ST3GAL6: variants seen among roughly 807,000 people sequenced by gnomAD.
ST3GAL6 encodes the protein type 2 lactosamine alpha-2,3-sialyltransferase.
Under a neutral mutation model 40.5 loss-of-function variants are expected in ST3GAL6, and 31 were observed. That is an observed-to-expected ratio of 0.77 (90% CI 0.58 to 1.03). The LOEUF (loss-of-function observed/expected upper bound fraction) is 1.03. Ranked by LOEUF, ST3GAL6 falls within the 50% of genes least tolerant of loss-of-function variation. The pLI is 0.00. For missense variants in ST3GAL6, 357 were observed against 393.2 expected (o/e 0.91, Z 0.78); for synonymous variants, 129 against 136.9 (o/e 0.94, Z 0.40).
At chr3:98,785,170 T>C in intron 6 of ST3GAL6, 130 bp downstream of exon 6, 1 of 615,516 alleles carries the variant, frequency 1.6e-6, no homozygotes, top group Non-Finnish European at 2.8e-6. Flanking sequence ...CACAACCTTC[T>C]CTCTTGGTTG....
At chr3:98,755,979 G>A (rs995303323) in intron 1 of ST3GAL6, among the ~76,000 whole-genome samples, 1 of 151,928 alleles carries the variant, frequency 6.6e-6, no homozygotes, top group Non-Finnish European at 1.5e-5. Flanking sequence ...GATTTTCAGA[G>A]AAATAGATAC....
chr3:98,762,882 T>C (rs1362677506), upstream of ST3GAL6: 2 of 985,312 alleles, frequency 2.0e-6, no homozygotes, highest in East Asian at 2.3e-4. Context: ...AAGGGCTTAG[T>C]ACTGTGCTGG....
intron 1 of ST3GAL6, 79 bp downstream of exon 1, chr3:98,763,518 G>C: frequency 4.0e-6 from 5 of 1,240,874 alleles, no homozygotes; most frequent in Non-Finnish European, 5.3e-6. Context: ...TTAGACATTA[G>C]GTGCCCACAG....
chr3:98,786,380 A>G (rs1373380119), intron 6 of ST3GAL6, among the ~76,000 whole-genome samples: 1 of 152,198 alleles, frequency 6.6e-6, no homozygotes, highest in Non-Finnish European at 1.5e-5. Flanking sequence ...CCAAGAGAGC[A>G]AAGTGTTCCA....
chr3:98,755,652 A>G (rs1381651974), intron 1 of ST3GAL6, among the ~76,000 whole-genome samples: 1 of 152,242 alleles, frequency 6.6e-6, no homozygotes, highest in Non-Finnish European at 1.5e-5. Context: ...AAAATACTCC[A>G]TAAACCATGC....
rs143146392 is a variant in ST3GAL6, at chr3:98,765,601, T to TA, written c.-12+2163dup. On this transcript the variant is annotated intron_variant, in intron 1 of 9. Coordinates refer to ENST00000483910, the MANE Select transcript of ST3GAL6 (RefSeq NM_001323368.2). ...TAGGTTACTTATACATTGGGTTACA[T>TA]ATCTTAGTTGGAGAATATGTGAACA... 2.0e-3 allele frequency among the ~76,000 whole-genome samples: 299 copies of TA among 152,340 alleles called. 6 individuals carry two copies. In the East Asian group the frequency reaches 0.052, roughly 26 times the overall value.
At chr3:98,744,155 C>A (rs1020295252) in intron 1 of ST3GAL6, among the ~76,000 whole-genome samples, 4 of 152,162 alleles carry the variant, frequency 2.6e-5, no homozygotes, top group African/African-American at 9.7e-5. Context: ...AGAGCCAAAG[C>A]TAGGAAGAGG....
rs533524891 is a variant in ST3GAL6, at chr3:98,736,116, A to G, written c.-12+3584A>G. Among the ~76,000 whole-genome samples the G allele has an allele frequency of 1.6e-3, 236 of 152,178 alleles. 1 individual carries two copies. Among genetic ancestry groups the G allele is most frequent in the Non-Finnish European group, 2.9e-3 (198 of 67,994 alleles). On this transcript the variant is annotated intron_variant, in intron 1 of 9. Coordinates refer to the ST3GAL6 transcript ENST00000265261. ...GTCATCTAGGAGGATTGTCCAGTTT[A>G]CCTTTTTACTGCCACAAACTTTTGT...
chr3:98,738,849 T>C (rs548779062), intron 1 of ST3GAL6, among the ~76,000 whole-genome samples: 1 of 152,196 alleles, frequency 6.6e-6, no homozygotes, highest in Admixed American at 6.5e-5. Context: ...TGACAGAATG[T>C]ACCTAATAGA....
intron 5 of ST3GAL6, chr3:98,782,425 T>C (rs2107291073): frequency 4.8e-6 from 3 of 627,992 alleles, no homozygotes; most frequent in Non-Finnish European, 8.5e-6. Flanking sequence ...ACTCTCACAA[T>C]AGCCAGATCT....
chr3:98,760,660 T>TAA (rs934635930), upstream of ST3GAL6, among the ~76,000 whole-genome samples: 35 of 152,352 alleles, frequency 2.3e-4, no homozygotes, highest in Admixed American at 1.4e-3. Context: ...ATAACTGAGA[T>TAA]AGGCACCACA....
intron 5 of ST3GAL6, among the ~76,000 whole-genome samples, chr3:98,779,618 C>T (rs1324941775): frequency 6.6e-6 from 1 of 152,230 alleles, no homozygotes; most frequent in Non-Finnish European, 1.5e-5. Context: ...AAGGTAATGA[C>T]TCTTCCAGCT....
chr3:98,733,192 C>G, intron 1 of ST3GAL6: 1 of 909,564 alleles, frequency 1.1e-6, no homozygotes, highest in South Asian at 5.0e-5. Context: ...CGTGCGGAGG[C>G]GTAAAGGGAC....
In ST3GAL6 at chr3:98,772,793, T is replaced by C. The variant is rs1223106583; in HGVS notation, c.168-20T>C. ...TATAGTAGGTATTTGGCAAAATCAT[T>C]CTTTATCCTTTCCTTCCAGGTTTCA... On this transcript the variant is annotated intron_variant, in intron 3 of 9. Coordinates refer to ENST00000483910, the MANE Select transcript of ST3GAL6 (RefSeq NM_001323368.2). 1.3e-6 allele frequency: 2 copies of C among 1,588,092 alleles called. No homozygotes were observed. The highest frequency in any genetic ancestry group is 8.6e-7 in the Non-Finnish European group (1 of 1,157,366).
upstream of ST3GAL6, chr3:98,762,702 T>C (rs2107107550): frequency 2.8e-6 from 2 of 705,636 alleles, no homozygotes; most frequent in African/African-American, 3.9e-5. Flanking sequence ...TAAATGATTA[T>C]TTAACAGTTC....
intron 1 of ST3GAL6, chr3:98,732,771 C>T (rs985249698): frequency 4.4e-5 from 57 of 1,293,864 alleles, no homozygotes; most frequent in African/African-American, 9.3e-5. Flanking sequence ...TCTGCTCCCC[C>T]GCCAGATCCG....
intron 1 of ST3GAL6, among the ~76,000 whole-genome samples, chr3:98,748,721 C>G (rs1936750165): frequency 6.6e-6 from 1 of 152,216 alleles, no homozygotes; most frequent in Non-Finnish European, 1.5e-5. Context: ...CCGCCTTGGC[C>G]TCCCAAAGTG....
chr3:98,773,626 TTC>T (rs1576098201), intron 4 of ST3GAL6: 2 of 216,220 alleles, frequency 9.2e-6, no homozygotes, highest in East Asian at 1.8e-4. Context: ...ACTATTTCTA[TTC>T]TAACATCAAT....
chr3:98,759,220 A>C (rs1335487379), upstream of ST3GAL6, among the ~76,000 whole-genome samples: 2 of 152,214 alleles, frequency 1.3e-5, no homozygotes, highest in African/African-American at 4.8e-5. Context: ...GCTAGTAGCT[A>C]AGGTGAGAAG....
Sources: allele counts gnomAD v4.1 joint callset (sites outside exome capture counted in the v4.1 genomes callset), GRCh38; gene constraint gnomAD v4.1.1; transcripts MANE v1.5; gene names NCBI Gene and HGNC (gene_info 2026-07-23, HGNC 2026-07-21).